The following A2ML1 variants were observed in gnomAD, a reference collection of about 807,000 sequenced individuals.
A2ML1 encodes the protein alpha-2-macroglobulin-like protein 1.
Under a neutral mutation model 181.9 loss-of-function variants are expected in A2ML1, and 161 were observed. That is an observed-to-expected ratio of 0.89 (90% CI 0.78 to 1.01). The LOEUF (loss-of-function observed/expected upper bound fraction) is 1.01, where lower values mean the gene tolerates loss of function less well. Ranked by LOEUF, A2ML1 falls within the 50% of genes least tolerant of loss-of-function variation. A2ML1 has a pLI of 0.00. For missense variants in A2ML1, 1,670 were observed against 1,768.1 expected, an observed-to-expected ratio of 0.94 and a Z score of 1.00; for synonymous variants, 663 against 666.8, an observed-to-expected ratio of 0.99 and a Z score of 0.09.
In A2ML1 at chr12:8,839,114, T is replaced by G. The variant is rs779838500; in HGVS notation, c.972T>G (p.Gly324=). 1.1e-4 allele frequency: 173 copies of G among 1,609,474 alleles called. No individual in the cohort carries two copies. Among genetic ancestry groups the G allele is most frequent in the Non-Finnish European group, 1.5e-4 (171 of 1,177,102 alleles). The change falls in exon 10 of 36, where the codon GGT becomes GGG. Residue 324 remains glycine, a splice_region_variant and synonymous_variant. Transcript: ENST00000299698. ...IVATVVEEGT[G]VEANATQNIY... ...TATACATCTGGTTTCCCTCTGCAGG[T>G]GTGGAGGCCAATGCCACTCAGAATA...
At chr12:8,883,759 G>A (rs1244087856) in intron 7 of A2ML1, among the ~76,000 whole-genome samples, 4 of 150,382 alleles carry the variant, frequency 2.7e-5, no homozygotes, top group African/African-American at 4.9e-5. Context: ...ATTATAGGTT[G>A]AGCCACCATA....
At chr12:8,839,609 A>G (rs186940939) in intron 10 of A2ML1, among the ~76,000 whole-genome samples, 2 of 152,306 alleles carry the variant, frequency 1.3e-5, no homozygotes, top group East Asian at 3.9e-4. Flanking sequence ...TAATGTCTAA[A>G]TCTTCATATT....
Position 8,854,262 on chromosome 12 carries a change from C to T in A2ML1, c.2712+13C>T, listed in dbSNP as rs931989513. On this transcript the variant is annotated intron_variant, in intron 21 of 35. Coordinates refer to ENST00000299698, the MANE Select transcript of A2ML1 (RefSeq NM_144670.6). ...AGTTCTCGTCAAAGTGAGTTTTCTT[C>T]AGAGGTAGAGACAGCAACCAACCGA... is the stretch of plus-strand genomic sequence containing the variant. 1 of 1,589,824 alleles carries T rather than the reference C, an allele frequency of 6.3e-7. No individual in the cohort carries two copies.
chr12:8,846,010 T>C lies in A2ML1; in HGVS notation c.1538-67T>C. 5 of 1,583,654 alleles carry C rather than the reference T, an allele frequency of 3.2e-6. No homozygotes were observed. The South Asian group carries it at 3.4e-5, about 11-fold the overall frequency. Reference sequence around the variant, plus strand: ...GCACTGGCTCAGTGAAAAGTACATATGGTTAGATGCCGTTGGCAGGTGAAT... The same window carrying C: ...GCACTGGCTCAGTGAAAAGTACATACGGTTAGATGCCGTTGGCAGGTGAAT... On this transcript the variant is annotated intron_variant, in intron 13 of 35. Coordinates refer to ENST00000299698, the MANE Select transcript of A2ML1 (RefSeq NM_144670.6).
chr12:8,835,699 G>C, intron 6 of A2ML1, 33 bp downstream of exon 6: 1 of 1,610,750 alleles, frequency 6.2e-7, no homozygotes, highest in Non-Finnish European at 8.5e-7. Flanking sequence ...CAAAGTATTG[G>C]GCATAATCTC....
intron 4 of A2ML1, among the ~76,000 whole-genome samples, chr12:8,831,323 C>T (rs1258814211): frequency 6.6e-6 from 1 of 152,124 alleles, no homozygotes. Flanking sequence ...AAAGCGTGGC[C>T]CGCAGCAGCA....
At chr12:8,886,237 G>C (rs2137018473) in intron 7 of A2ML1, among the ~76,000 whole-genome samples, 1 of 152,218 alleles carries the variant, frequency 6.6e-6, no homozygotes, top group African/African-American at 2.4e-5. Context: ...GAAGATGACT[G>C]ACATCTTTAT....
intron 21 of A2ML1, 29 bp downstream of exon 21, chr12:8,854,278 A>C (rs1040605491): frequency 8.3e-6 from 13 of 1,570,756 alleles, no homozygotes; most frequent in Non-Finnish European, 1.0e-5. Context: ...TAGAGACAGC[A>C]ACCAACCGAG....
rs367997380 is a variant in A2ML1 at position 8,861,238 on chromosome 12, G to C, written c.3443G>C (p.Gly1148Ala). Residue 1148 changes from glycine (G) to alanine (A), a missense_variant, in exon 28 of 36, where the codon GGG becomes GCG. Gly to Ala is a moderately conservative substitution (Grantham distance 60). Coordinates refer to ENST00000299698, the MANE Select transcript of A2ML1 (RefSeq NM_144670.6). Reference protein sequence around the residue: ...ALLAYIFSLAGEMDIRNILLK... With the variant: ...ALLAYIFSLAAEMDIRNILLK... The stretch of plus-strand genomic sequence containing the variant: ...TTGGCTTACATTTTCTCCCTGGCTG[G>C]GGAAATGGACATCAGAAACATTCTC... 1.2e-6 allele frequency: 2 copies of C among 1,614,038 alleles called. No individual in the cohort carries two copies. The highest frequency in any genetic ancestry group is 1.7e-5 in the Admixed American group (1 of 60,008).
Position 8,854,224 on chromosome 12 carries a change from C to T in A2ML1, c.2687C>T (p.Thr896Met), listed in dbSNP as rs760599187. 6.5e-5 allele frequency: 105 copies of T among 1,607,688 alleles called. No homozygotes were observed. Among genetic ancestry groups the T allele is most frequent in the East Asian group, 2.9e-4 (13 of 44,696 alleles). Residue 896 changes from threonine to methionine, a missense_variant, in exon 21 of 36, where the codon ACG (threonine) becomes ATG (methionine). By Grantham distance (81) the Thr-to-Met change is moderately conservative. Coordinates refer to ENST00000299698, the MANE Select transcript of A2ML1 (RefSeq NM_144670.6). ...GFVPQKGRSD[T>M]LIKPVLVKPE... ...GTTCCCCAAAAGGGCCGAAGTGACA[C>T]GCTCATCAAGCCAGTTCTCGTCAAA...
intron 26 of A2ML1, among the ~76,000 whole-genome samples, chr12:8,860,266 A>C (rs1381264478): frequency 6.6e-6 from 1 of 151,902 alleles, no homozygotes; most frequent in East Asian, 1.9e-4. Flanking sequence ...CTGGCCTCAA[A>C]CTCCTGAGCT....
intron 7 of A2ML1, among the ~76,000 whole-genome samples, chr12:8,883,730 G>A (rs1565501211): frequency 1.3e-5 from 2 of 151,900 alleles, no homozygotes; most frequent in Admixed American, 6.6e-5. Flanking sequence ...TGCCCACCTC[G>A]GCCTCCCAAA....
chr12:8,861,509 A>G (rs969011572), intron 28 of A2ML1, among the ~76,000 whole-genome samples: 1 of 152,088 alleles, frequency 6.6e-6, no homozygotes, highest in Admixed American at 6.5e-5. Context: ...TCTTTTTGAG[A>G]CGGAGTCTTG....
chr12:8,860,389 T>C (rs1165494104), intron 26 of A2ML1, among the ~76,000 whole-genome samples: 1 of 152,306 alleles, frequency 6.6e-6, no homozygotes, highest in East Asian at 1.9e-4. Context: ...ATTTATAGAA[T>C]GAGGATAATA....
intron 28 of A2ML1, among the ~76,000 whole-genome samples, chr12:8,862,895 T>C (rs1364527985): frequency 6.6e-6 from 1 of 152,232 alleles, no homozygotes; most frequent in East Asian, 1.9e-4. Flanking sequence ...ATTAGTCTTC[T>C]AACGTACAGT....
chr12:8,823,857 A>G lies in A2ML1; in HGVS notation c.384A>G (p.Lys128=). The part of the protein sequence containing the change: ...QGNGTFVQTD[K]PLYTPGQQVY... Reference sequence around the variant, plus strand: ...ACGGCACCTTTGTACAGACTGACAAACCTCTCTACACCCCAGGGCAGCAAG... The same window carrying G: ...ACGGCACCTTTGTACAGACTGACAAGCCTCTCTACACCCCAGGGCAGCAAG... Residue 128 remains lysine, a synonymous_variant, in exon 3 of 36, where the codon AAA becomes AAG. Transcript: ENST00000299698. 2 of 1,612,406 alleles carry G rather than the reference A, an allele frequency of 1.2e-6. No homozygotes were observed. Among genetic ancestry groups the G allele is most frequent in the South Asian group, 1.1e-5 (1 of 90,840 alleles).
chr12:8,850,825 A>G (rs1291792429), intron 18 of A2ML1, among the ~76,000 whole-genome samples: 1 of 151,990 alleles, frequency 6.6e-6, no homozygotes, highest in African/African-American at 2.4e-5. Context: ...GTAGGCCTCA[A>G]CCTCCTAGGT....
At chr12:8,856,760 C>T (rs980624860) in intron 23 of A2ML1, among the ~76,000 whole-genome samples, 1 of 152,130 alleles carries the variant, frequency 6.6e-6, no homozygotes, top group Non-Finnish European at 1.5e-5. Context: ...TCCAGTATGA[C>T]ATTGTAGTAC....
At chr12:8,836,196 G>A in intron 6 of A2ML1, 59 bp from the exon 7 acceptor site, 1 of 1,409,550 alleles carries the variant, frequency 7.1e-7, no homozygotes. Context: ...TCTGCTCACT[G>A]CCTGTCTGAC....
Sources: gnomAD v4.1 joint callset for allele counts (sites outside exome capture counted in the v4.1 genomes callset) on GRCh38, gnomAD v4.1.1 for gene constraint, MANE v1.5 for transcripts, NCBI Gene and HGNC (gene_info 2026-07-23, HGNC 2026-07-21) for gene names.